Variants in LYST observed in about 807,000 individuals in gnomAD.
LYST encodes the protein lysosomal trafficking regulator.
LYST carries 192 observed loss-of-function variants against 413.6 expected under a neutral mutation model. The observed-to-expected ratio is 0.46, with a 90% confidence interval of 0.41 to 0.52. The LOEUF is 0.52. LYST is among the 20% of genes least tolerant of loss of function. The pLI is 0.00. For missense variants in LYST, 3,815 were observed against 4,499.9 expected (o/e 0.85, Z 4.35); for synonymous variants, 1,525 against 1,567.3 (o/e 0.97, Z 0.64).
At position 235,808,693 on chromosome 1, in the gene LYST, T is replaced by C. The variant is rs1673131799; in HGVS notation, c.2125A>G (p.Ile709Val). The change falls in exon 5 of 53, where the codon ATA becomes GTA. Residue 709 changes from isoleucine to valine, a missense_variant. Ile to Val is a conservative substitution (Grantham distance 29). Transcript: ENST00000389793. Reference sequence around the variant, plus strand: ...TTGCAAATGTGATTTGCAATCTGTATACTATGTAATCTGTCTTCTTCAAAA... The same window carrying C: ...TTGCAAATGTGATTTGCAATCTGTACACTATGTAATCTGTCTTCTTCAAAA... ...FVFEEDRLHS[I>V]QIANHICNLI... The C allele has an allele frequency of 6.2e-7, 1 of 1,613,808 alleles. No homozygotes were observed. The highest frequency in any genetic ancestry group is 8.5e-7 in the Non-Finnish European group (1 of 1,179,882).
rs201344329 is a variant in LYST, at chr1:235,793,650, C to A, written c.4007-38G>T. Reference sequence around the variant, plus strand: ...AAGAGGGAAAAAATTAAAGCTAGTACACAATTAGAGGAATAAATGAGCAAT... The same window carrying A: ...AAGAGGGAAAAAATTAAAGCTAGTAAACAATTAGAGGAATAAATGAGCAAT... On this transcript the variant is annotated intron_variant, in intron 10 of 52. Transcript: ENST00000389793. 144 of 1,073,988 alleles carry A rather than the reference C, an allele frequency of 1.3e-4. 1 individual carries two copies. The East Asian group carries it at 1.5e-3, about 11-fold the overall frequency. The allele number at this position is 1,073,988 out of a possible 1,614,324, so 66.5% of individuals were successfully genotyped here. A position where few individuals can be genotyped will look rare whatever the true frequency, so the allele number is the denominator to read the frequency against.
At chr1:235,691,989 T>C (rs112703420) in intron 47 of LYST, among the ~76,000 whole-genome samples, 11,459 of 145,548 alleles carry the variant, frequency 0.079, 1,410 homozygotes, top group African/African-American at 0.26. Flanking sequence ...TGAGCCACCA[T>C]GCCCAGCCTA....
intron 42 of LYST, chr1:235,712,692 T>A (rs1403796762): frequency 1.8e-5 from 18 of 985,276 alleles, no homozygotes; most frequent in African/African-American, 3.5e-5. Context: ...TTTCTTTTTT[T>A]TCGGGGGGGT....
At chr1:235,712,252 G>A (rs1662457387) in intron 42 of LYST, 55 bp from the exon 43 acceptor site, 1 of 1,261,960 alleles carries the variant, frequency 7.9e-7, no homozygotes, top group Non-Finnish European at 1.1e-6. Context: ...TTCTATTTGA[G>A]GCCTATCATA....
At chr1:235,827,579 T>C in intron 3 of LYST, 1 of 981,412 alleles carries the variant, frequency 1.0e-6, no homozygotes, top group Non-Finnish European at 1.2e-6. Flanking sequence ...CCTTAAAAAC[T>C]CAAACATTCA....
chr1:235,761,981 G>T (rs979414124), intron 22 of LYST, among the ~76,000 whole-genome samples: 2 of 122,442 alleles, frequency 1.6e-5, no homozygotes, highest in Non-Finnish European at 1.7e-5. Flanking sequence ...TGTCGGGTGG[G>T]GGGAGGGGGG....
At chr1:235,772,410 T>C (rs1668797717) in intron 19 of LYST, among the ~76,000 whole-genome samples, 1 of 152,130 alleles carries the variant, frequency 6.6e-6, no homozygotes, top group Non-Finnish European at 1.5e-5. Context: ...CTAGACAATC[T>C]AGTTTTTTTT....
chr1:235,697,102 C>T lies in LYST; in HGVS notation c.10545G>A (p.Met3515Ile). 6.2e-7 allele frequency: 1 copy of T among 1,614,048 alleles called. No individual in the cohort carries two copies. The highest frequency in any genetic ancestry group is 8.5e-7 in the Non-Finnish European group (1 of 1,179,956). The stretch of plus-strand genomic sequence containing the variant: ...TTTTACCTTGTTCCTTGCTATATGT[C>T]ATCAGAAGACAGAAATTCCGTGACA... Reference protein sequence around the residue: ...CGLSRNFCLLMTYSKEQGVRS... With the variant: ...CGLSRNFCLLITYSKEQGVRS... The change falls in exon 46 of 53, where the codon ATG becomes ATA. Residue 3515 changes from methionine (M) to isoleucine (I), a missense_variant. By Grantham distance (10) the Met-to-Ile change is conservative. Around this residue, in one of 4 missense-constraint regions of LYST, gnomAD observed 866 missense variants for 1,156.0 expected, o/e 0.75. Coordinates refer to ENST00000389793, the MANE Select transcript of LYST (RefSeq NM_000081.4).
intron 19 of LYST, among the ~76,000 whole-genome samples, chr1:235,770,965 C>T (rs1558218860): frequency 6.6e-6 from 1 of 152,146 alleles, no homozygotes; most frequent in Non-Finnish European, 1.5e-5. Flanking sequence ...ATAACCTTCC[C>T]TTCATCTTAT....
At chr1:235,825,816 A>G (rs1675265386) in intron 3 of LYST, among the ~76,000 whole-genome samples, 1 of 152,204 alleles carries the variant, frequency 6.6e-6, no homozygotes, top group African/African-American at 2.4e-5. Flanking sequence ...TTTTGTAGAA[A>G]TAACAAGTTG....
intron 3 of LYST, among the ~76,000 whole-genome samples, chr1:235,813,905 A>G (rs1386833997): frequency 3.3e-5 from 5 of 152,216 alleles, no homozygotes; most frequent in Admixed American, 3.3e-4. Context: ...TCGCATGATG[A>G]CACAATCAGA....
In LYST at chr1:235,712,720, T is replaced by C. The variant is rs1349189328; in HGVS notation, c.9785-523A>G. On this transcript the variant is annotated intron_variant, in intron 42 of 52. Coordinates refer to ENST00000389793, the MANE Select transcript of LYST (RefSeq NM_000081.4). ...GGGGGGGTGCGTAGGTTACGGTGCA[T>C]TGTTTTTTGGTGTTCTAACTCTGAG... 5 of 985,260 alleles carry C rather than the reference T, an allele frequency of 5.1e-6. No individual in the cohort carries two copies. In the African/African-American group the frequency reaches 8.7e-5, roughly 17 times the overall value. The allele number at this position is 985,260 out of a possible 1,614,324, so 61.0% of individuals were successfully genotyped here. A position where few individuals can be genotyped will look rare whatever the true frequency, so the allele number is the denominator to read the frequency against.
At chr1:235,777,682 T>A (rs1669410777) in intron 16 of LYST, among the ~76,000 whole-genome samples, 1 of 152,170 alleles carries the variant, frequency 6.6e-6, no homozygotes, top group African/African-American at 2.4e-5. Flanking sequence ...CTGGGTCAGG[T>A]CAATTTATTT....
chr1:235,690,071 T>G (rs1471881181), intron 47 of LYST, among the ~76,000 whole-genome samples: 1 of 152,210 alleles, frequency 6.6e-6, no homozygotes, highest in Non-Finnish European at 1.5e-5. Context: ...TGTAAAGAAT[T>G]TGATTGAAAG....
At chr1:235,834,248 A>G (rs1414794611) in intron 1 of LYST, among the ~76,000 whole-genome samples, 1 of 152,240 alleles carries the variant, frequency 6.6e-6, no homozygotes, top group Non-Finnish European at 1.5e-5. Context: ...TTTCTGGGAT[A>G]GCAACAGGAT....
intron 8 of LYST, among the ~76,000 whole-genome samples, chr1:235,802,704 AGAT>A (rs1212896461): frequency 6.6e-6 from 1 of 152,230 alleles, no homozygotes; most frequent in African/African-American, 2.4e-5. Context: ...TTAACCACTC[AGAT>A]GATGTTTGTG....
chr1:235,770,391 T>C, intron 19 of LYST, 94 bp from the exon 20 acceptor site: 1 of 1,067,658 alleles, frequency 9.4e-7, no homozygotes, highest in Admixed American at 1.7e-5. Flanking sequence ...AATTTAACAT[T>C]GTGTATATAT....
At chr1:235,727,004 T>C (rs554253230) in intron 38 of LYST, among the ~76,000 whole-genome samples, 48 of 152,348 alleles carry the variant, frequency 3.2e-4, no homozygotes, top group African/African-American at 1.1e-3. Flanking sequence ...TGGTAATTGC[T>C]ATATAAATGA....
chr1:235,816,233 C>T (rs890046231), intron 3 of LYST, among the ~76,000 whole-genome samples: 3 of 147,018 alleles, frequency 2.0e-5, no homozygotes, highest in South Asian at 2.1e-4. Flanking sequence ...CAAGGTCAGG[C>T]GATTGAGACC....
Sources: gnomAD v4.1 joint callset for allele counts (sites outside exome capture counted in the v4.1 genomes callset) on GRCh38, gnomAD v4.1.1 for gene constraint, gnomAD v4.1.1 regional missense constraint, MANE v1.5 for transcripts, NCBI Gene and HGNC (gene_info 2026-07-23, HGNC 2026-07-21) for gene names.